TRIM44: variants seen among roughly 807,000 people sequenced by gnomAD.
The protein encoded by TRIM44 is tripartite motif-containing protein 44.
TRIM44 carries 13 observed loss-of-function variants against 37.4 expected under a neutral mutation model. That is an observed-to-expected ratio of 0.35 (90% CI 0.23 to 0.55). The LOEUF is 0.55. TRIM44 is among the 20% of genes least tolerant of loss of function. TRIM44 has a pLI of 0.89. For missense variants in TRIM44, 426 were observed against 437.2 expected, an observed-to-expected ratio of 0.97 and a Z score of 0.23; for synonymous variants, 175 against 157.2, an observed-to-expected ratio of 1.11 and a Z score of -0.85.
At chr11:35,788,294 G>A (rs1470035946) in intron 4 of TRIM44, among the ~76,000 whole-genome samples, 1 of 152,158 alleles carries the variant, frequency 6.6e-6, no homozygotes, top group Non-Finnish European at 1.5e-5. Context: ...TCTTTGTTAT[G>A]ACTTGTTAAC....
rs142469573 is a variant in TRIM44, at chr11:35,741,853, G to C, written c.1007+6408G>C. ...GCCTTAGGGATATGGATATAACTAA[G>C]ACTTTGTTCCTGCATTTAAAGATCT... is the stretch of plus-strand genomic sequence containing the variant. On this transcript the variant is annotated intron_variant, in intron 4 of 4. Coordinates refer to ENST00000299413, the MANE Select transcript of TRIM44 (RefSeq NM_017583.6). 2.1e-3 allele frequency among the ~76,000 whole-genome samples: 322 copies of C among 152,288 alleles called. 1 individual carries two copies. Among genetic ancestry groups the C allele is most frequent in the African/African-American group, 7.5e-3 (311 of 41,554 alleles).
intron 4 of TRIM44, among the ~76,000 whole-genome samples, chr11:35,780,251 C>A (rs77856809): frequency 0.01 from 1,589 of 152,184 alleles, 28 homozygotes; most frequent in African/African-American, 0.037. Flanking sequence ...TATAAGCCTA[C>A]CTCTGTGGGA....
intron 3 of TRIM44, among the ~76,000 whole-genome samples, chr11:35,734,593 C>T (rs777492418): frequency 4.6e-5 from 7 of 152,090 alleles, no homozygotes; most frequent in African/African-American, 9.7e-5. Context: ...ATAAAAGATA[C>T]GCTGACACCA....
At chr11:35,798,890 T>G (rs747510013) in intron 4 of TRIM44, among the ~76,000 whole-genome samples, 3 of 152,246 alleles carry the variant, frequency 2.0e-5, no homozygotes, top group Non-Finnish European at 2.9e-5. Flanking sequence ...TATATTTCAC[T>G]GTGATAATGG....
intron 1 of TRIM44, among the ~76,000 whole-genome samples, chr11:35,670,071 C>T (rs1199429373): frequency 1.3e-5 from 2 of 152,162 alleles, no homozygotes; most frequent in African/African-American, 4.8e-5. Context: ...GATCTACCCG[C>T]CTTGGCTTCC....
chr11:35,711,719 G>T (rs1208067352), intron 2 of TRIM44, among the ~76,000 whole-genome samples: 1 of 151,982 alleles, frequency 6.6e-6, no homozygotes, highest in Non-Finnish European at 1.5e-5. Context: ...CTGTACCACT[G>T]CACTCCAGCC....
chr11:35,663,561 A>G lies in TRIM44; in HGVS notation c.450A>G (p.Glu150=). The G allele has an allele frequency of 1.2e-6, 2 of 1,613,754 alleles. No individual in the cohort carries two copies. Among genetic ancestry groups the G allele is most frequent in the Non-Finnish European group, 1.7e-6 (2 of 1,179,860 alleles). ...AAGAAGACAACCAAGAAGAAGGGGAATCCGAGGCGGAGGGAGAAACTGAGG... is the reference window on the plus strand; with the variant it reads ...AAGAAGACAACCAAGAAGAAGGGGAGTCCGAGGCGGAGGGAGAAACTGAGG... ...EAEEDNQEEG[E]SEAEGETEAE... Residue 150 remains glutamate, a synonymous_variant, in exon 1 of 5, where the codon GAA becomes GAG. Transcript: ENST00000299413.
At chr11:35,734,535 A>G (rs912950155) in intron 3 of TRIM44, among the ~76,000 whole-genome samples, 2 of 152,180 alleles carry the variant, frequency 1.3e-5, no homozygotes, top group African/African-American at 4.8e-5. Flanking sequence ...TACAACCAGA[A>G]TGTACATTCT....
chr11:35,753,368 G>A (rs1182661641), intron 4 of TRIM44, among the ~76,000 whole-genome samples: 1 of 152,214 alleles, frequency 6.6e-6, no homozygotes, highest in African/African-American at 2.4e-5. Flanking sequence ...TTTCTCTGCA[G>A]CTCTTACAGC....
At chr11:35,739,836 A>G (rs1223258204) in intron 4 of TRIM44, among the ~76,000 whole-genome samples, 4 of 152,198 alleles carry the variant, frequency 2.6e-5, no homozygotes, top group Non-Finnish European at 4.4e-5. Context: ...CTGTGGAGTC[A>G]TCATTTAAGA....
chr11:35,666,485 C>T (rs1217140682), intron 1 of TRIM44, among the ~76,000 whole-genome samples: 1 of 152,148 alleles, frequency 6.6e-6, no homozygotes, highest in East Asian at 1.9e-4. Flanking sequence ...ATGAAGTCTT[C>T]TGATTCATTA....
chr11:35,769,760 C>T (rs1178295257), intron 4 of TRIM44, among the ~76,000 whole-genome samples: 2 of 152,284 alleles, frequency 1.3e-5, no homozygotes, highest in South Asian at 2.1e-4. Flanking sequence ...ATACAGTTGG[C>T]TCTCAATTGA....
chr11:35,686,782 T>G (rs1440355990), intron 2 of TRIM44, among the ~76,000 whole-genome samples: 1 of 152,172 alleles, frequency 6.6e-6, no homozygotes, highest in African/African-American at 2.4e-5. Flanking sequence ...GGTTTCGAAC[T>G]CCTGACCTCA....
chr11:35,795,356 TAGAAGTAGGA>T (rs1853267923), intron 4 of TRIM44, among the ~76,000 whole-genome samples: 1 of 152,012 alleles, frequency 6.6e-6, no homozygotes, highest in East Asian at 1.9e-4. Flanking sequence ...GCATTAAGAT[TAGAAGTAGGA>T]AGACTAGTCA....
chr11:35,695,366 A>G (rs889320970), intron 2 of TRIM44, among the ~76,000 whole-genome samples: 24 of 152,116 alleles, frequency 1.6e-4, no homozygotes, highest in Non-Finnish European at 3.2e-4. Context: ...TAGACCTTAG[A>G]GTTCATTCAT....
chr11:35,728,758 A>G (rs557048662), intron 3 of TRIM44, among the ~76,000 whole-genome samples: 27 of 152,158 alleles, frequency 1.8e-4, no homozygotes, highest in African/African-American at 4.3e-4. Context: ...TTTTAAACAT[A>G]CACCACAGTT....
intron 2 of TRIM44, among the ~76,000 whole-genome samples, chr11:35,694,927 G>A (rs1851677792): frequency 1.3e-5 from 2 of 152,088 alleles, no homozygotes; most frequent in African/African-American, 4.8e-5. Flanking sequence ...ATACACTGTA[G>A]CATAATAACT....
chr11:35,742,368 G>GAT (rs533139422), intron 4 of TRIM44, among the ~76,000 whole-genome samples: 4,589 of 138,472 alleles, frequency 0.033, 216 homozygotes, highest in African/African-American at 0.1. Context: ...TATATATATG[G>GAT]ATATATATAT....
intron 2 of TRIM44, among the ~76,000 whole-genome samples, chr11:35,688,225 T>C (rs1486027136): frequency 6.6e-6 from 1 of 152,202 alleles, no homozygotes; most frequent in Non-Finnish European, 1.5e-5. Flanking sequence ...GATTGAGTCA[T>C]GGAGGACTGA....
Sources: allele counts gnomAD v4.1 joint callset (sites outside exome capture counted in the v4.1 genomes callset), GRCh38; gene constraint gnomAD v4.1.1; transcripts MANE v1.5; gene names NCBI Gene and HGNC (gene_info 2026-07-23, HGNC 2026-07-21).